PPHLN1: variants seen among roughly 807,000 people sequenced by gnomAD.
PPHLN1 encodes the protein periphilin-1.
A neutral mutation model predicts 51.3 loss-of-function variants in PPHLN1; 29 were observed. That is an observed-to-expected ratio of 0.57 (90% CI 0.42 to 0.77). The LOEUF (loss-of-function observed/expected upper bound fraction) is 0.77. Ranked by LOEUF, PPHLN1 falls within the 30% of genes least tolerant of loss-of-function variation. The pLI, the probability that PPHLN1 is intolerant of heterozygous loss-of-function variation, is 0.00. For synonymous variants in PPHLN1, 147 were observed against 147.8 expected (o/e 0.99, Z 0.04); for missense variants, 436 against 438.4 (o/e 0.99, Z 0.05).
chr12:42,377,790 A>G (rs936336305), intron 5 of PPHLN1, among the ~76,000 whole-genome samples: 24 of 10,334 alleles, frequency 2.3e-3, no homozygotes, highest in African/African-American at 2.5e-3. Flanking sequence ...TTAGTGAATT[A>G]GTCTTATTTT....
At chr12:42,383,289 A>G (rs966750829) in intron 5 of PPHLN1, among the ~76,000 whole-genome samples, 13 of 152,182 alleles carry the variant, frequency 8.5e-5, no homozygotes, top group African/African-American at 3.1e-4. Context: ...TCAGCTACCA[A>G]CATGGAGTAA....
At chr12:42,342,808 C>T (rs1484741912) in intron 2 of PPHLN1, among the ~76,000 whole-genome samples, 14 of 152,174 alleles carry the variant, frequency 9.2e-5, no homozygotes, top group East Asian at 1.9e-4. Flanking sequence ...AACAGCAACA[C>T]GTTATTTTTC....
At chr12:42,351,228 A>T (rs1477307004) in intron 2 of PPHLN1, 1 of 152,224 alleles carries the variant, frequency 6.6e-6, no homozygotes, top group Non-Finnish European at 1.5e-5. Context: ...TATAGCAGCT[A>T]CTAACCTAAG....
chr12:42,442,467 A>G (rs2083040715), downstream of PPHLN1, among the ~76,000 whole-genome samples: 1 of 152,216 alleles, frequency 6.6e-6, no homozygotes. Flanking sequence ...CATTACTCAC[A>G]AATTGTGTTG....
intron 9 of PPHLN1, chr12:42,431,581 G>A (rs1200838104): frequency 2.7e-5 from 17 of 640,304 alleles, no homozygotes; most frequent in African/African-American, 5.5e-5. Flanking sequence ...AAAGACTGGC[G>A]ATCCATATTC....
chr12:42,375,405 G>A (rs1222188782), intron 5 of PPHLN1: 7 of 167,056 alleles, frequency 4.2e-5, no homozygotes, highest in East Asian at 1.8e-4. Context: ...TCCGCCTCCC[G>A]GATTCAAGTG....
intron 4 of PPHLN1, among the ~76,000 whole-genome samples, chr12:42,371,054 G>A (rs2075749354): frequency 6.7e-6 from 1 of 150,118 alleles, no homozygotes; most frequent in African/African-American, 2.4e-5. Flanking sequence ...GATCCGCCCT[G>A]CCTCGGCCTC....
chr12:42,374,440 A>ATT (rs33995811), intron 4 of PPHLN1, among the ~76,000 whole-genome samples: 10,149 of 150,802 alleles, frequency 0.067, 480 homozygotes, highest in Non-Finnish European at 0.1. Flanking sequence ...AAGAGTACAA[A>ATT]TTTTTTTTTC....
At chr12:42,348,771 T>C in intron 2 of PPHLN1, among the ~76,000 whole-genome samples, 1 of 152,170 alleles carries the variant, frequency 6.6e-6, no homozygotes, top group Non-Finnish European at 1.5e-5. Flanking sequence ...AAATTTTCAA[T>C]TAGAAATGAT....
intron 9 of PPHLN1, 166 bp downstream of exon 9, chr12:42,399,160 TCAGTATGGTCCCC>T: frequency 7.1e-7 from 1 of 1,402,240 alleles, no homozygotes; most frequent in Non-Finnish European, 9.3e-7. Flanking sequence ...GTCAGTTTGA[TCAGTATGGTCCCC>T]CACCTGGATT....
At chr12:42,439,357 T>G (rs1566041742) in intron 9 of PPHLN1, among the ~76,000 whole-genome samples, 1 of 152,256 alleles carries the variant, frequency 6.6e-6, no homozygotes, top group Admixed American at 6.5e-5. Flanking sequence ...CTCCATTGAA[T>G]TACTTCTGTG....
At chr12:42,416,198 C>CCTA (rs1314647252) in intron 9 of PPHLN1, among the ~76,000 whole-genome samples, 1 of 152,166 alleles carries the variant, frequency 6.6e-6, no homozygotes, top group Non-Finnish European at 1.5e-5. Context: ...GCCTCCTGTA[C>CCTA]CCTTCATTCT....
intron 9 of PPHLN1, among the ~76,000 whole-genome samples, chr12:42,406,655 TTA>T (rs1031015571): frequency 1.3e-5 from 2 of 152,186 alleles, no homozygotes; most frequent in African/African-American, 4.8e-5. Flanking sequence ...TAGAAGTTCT[TTA>T]TATATTCTGA....
chr12:42,446,061 TGCAGGCCCCGCAGCCCCC>T, downstream of PPHLN1: 288 of 1,549,572 alleles, frequency 1.9e-4, 1 homozygote, highest in East Asian at 6.6e-4. Context: ...GAAACGACCC[TGCAGGCCCCGCAGCCCCC>T]GCAGGCCCCG....
intron 5 of PPHLN1, among the ~76,000 whole-genome samples, chr12:42,376,340 C>T (rs2076262029): frequency 6.6e-6 from 1 of 152,182 alleles, no homozygotes; most frequent in Non-Finnish European, 1.5e-5. Flanking sequence ...AGATTGTCTT[C>T]CCTTGAAGCT....
At chr12:42,398,263 T>G (rs973553382) in intron 8 of PPHLN1, among the ~76,000 whole-genome samples, 3 of 152,232 alleles carry the variant, frequency 2.0e-5, no homozygotes, top group Non-Finnish European at 4.4e-5. Context: ...GGGTTTTCTT[T>G]TTAATGATTT....
downstream of PPHLN1, chr12:42,448,178 T>C (rs942013139): frequency 6.6e-6 from 1 of 152,392 alleles, no homozygotes; most frequent in Admixed American, 6.6e-5. Flanking sequence ...GGCTCAGGAG[T>C]TGTCCACTTT....
At chr12:42,399,483 T>C (rs902673686) in intron 9 of PPHLN1, 1 of 890,416 alleles carries the variant, frequency 1.1e-6, no homozygotes, top group Non-Finnish European at 1.3e-6. Context: ...GCAACTATTA[T>C]GGGGTTATTT....
At chr12:42,403,849 C>T (rs1470039258) in intron 9 of PPHLN1, among the ~76,000 whole-genome samples, 1 of 152,208 alleles carries the variant, frequency 6.6e-6, no homozygotes, top group African/African-American at 2.4e-5. Context: ...TCCTCATCCA[C>T]TCTCTACCAG....
Sources: gnomAD v4.1 joint callset for allele counts (sites outside exome capture counted in the v4.1 genomes callset) on GRCh38, gnomAD v4.1.1 for gene constraint, MANE v1.5 for transcripts, NCBI Gene and HGNC (gene_info 2026-07-23, HGNC 2026-07-21) for gene names.